CTNNA3: variants seen among roughly 807,000 people sequenced by gnomAD.
The protein encoded by CTNNA3 is catenin alpha-3.
CTNNA3 carries 76 observed loss-of-function variants against 95.7 expected under a neutral mutation model. That is an observed-to-expected ratio of 0.79 (90% CI 0.66 to 0.96). The LOEUF is 0.96. Among genes scored for constraint, CTNNA3 ranks in the 40% least tolerant of loss-of-function variants. The probability of loss-of-function intolerance (pLI) is 0.00; values close to 1 mark genes in which losing one functional copy is unlikely to be tolerated. For synonymous variants in CTNNA3, 431 were observed against 374.4 expected, an observed-to-expected ratio of 1.15 and a Z score of -1.74; for missense variants, 1,191 against 1,089.8, an observed-to-expected ratio of 1.09 and a Z score of -1.31.
At chr10:67,323,043 C>A (rs1226687556) in intron 5 of CTNNA3, among the ~76,000 whole-genome samples, 2 of 152,056 alleles carry the variant, frequency 1.3e-5, no homozygotes, top group African/African-American at 2.4e-5. Flanking sequence ...CTGTTCATGT[C>A]ATTTGCCCAC....
intron 6 of CTNNA3, among the ~76,000 whole-genome samples, chr10:67,211,673 A>G (rs1864145479): frequency 6.6e-6 from 1 of 152,216 alleles, no homozygotes. Flanking sequence ...TAGCAAAGAC[A>G]GATGCATAAA....
chr10:66,639,084 T>C (rs1328372414), intron 9 of CTNNA3, among the ~76,000 whole-genome samples: 2 of 152,180 alleles, frequency 1.3e-5, no homozygotes, highest in Non-Finnish European at 2.9e-5. Context: ...TATCTACGTT[T>C]AGTAAATTGA....
intron 7 of CTNNA3, among the ~76,000 whole-genome samples, chr10:67,022,704 G>A (rs1022462435): frequency 2.0e-5 from 3 of 152,234 alleles, no homozygotes; most frequent in Non-Finnish European, 2.9e-5. Context: ...TTGGGAGGCC[G>A]AGGCGGGCAG....
chr10:67,031,643 C>T (rs1853735687), intron 7 of CTNNA3, among the ~76,000 whole-genome samples: 1 of 152,122 alleles, frequency 6.6e-6, no homozygotes, highest in Non-Finnish European at 1.5e-5. Context: ...TTGAAATACG[C>T]CCATCAACCT....
At chr10:66,209,459 T>G (rs907404719) in intron 13 of CTNNA3, among the ~76,000 whole-genome samples, 2 of 152,034 alleles carry the variant, frequency 1.3e-5, no homozygotes, top group Non-Finnish European at 2.9e-5. Flanking sequence ...GGAAAAGAGT[T>G]GAAGGTGAGA....
intron 5 of CTNNA3, among the ~76,000 whole-genome samples, chr10:67,410,649 C>T (rs61866930): frequency 6.7e-6 from 1 of 150,284 alleles, no homozygotes; most frequent in African/African-American, 2.4e-5. Flanking sequence ...AAAAAAAACC[C>T]ACAGAAATAA....
chr10:67,429,033 T>C (rs1180532284), intron 5 of CTNNA3, among the ~76,000 whole-genome samples: 1 of 151,990 alleles, frequency 6.6e-6, no homozygotes, highest in Non-Finnish European at 1.5e-5. Context: ...CTTTCTTTAC[T>C]CCTGCAAACC....
chr10:66,293,996 A>G (rs1316662819), intron 12 of CTNNA3, among the ~76,000 whole-genome samples: 2 of 151,994 alleles, frequency 1.3e-5, no homozygotes, highest in African/African-American at 4.8e-5. Flanking sequence ...AAAATCAAGC[A>G]CCTTTCTAAT....
intron 13 of CTNNA3, among the ~76,000 whole-genome samples, chr10:66,256,988 C>T (rs1281472888): frequency 1.3e-5 from 2 of 151,822 alleles, no homozygotes; most frequent in East Asian, 3.9e-4. Flanking sequence ...CTCTCTCCCT[C>T]ATGAGGTGGG....
intron 5 of CTNNA3, among the ~76,000 whole-genome samples, chr10:67,488,495 G>A (rs1848530264): frequency 6.6e-6 from 1 of 151,938 alleles, no homozygotes; most frequent in South Asian, 2.1e-4. Context: ...TCAGCCCCCT[G>A]AGTAGCTGGA....
chr10:66,171,955 C>T (rs557530968), intron 13 of CTNNA3, among the ~76,000 whole-genome samples: 11 of 152,214 alleles, frequency 7.2e-5, no homozygotes, highest in African/African-American at 2.4e-4. Context: ...CTATATCATC[C>T]TCTAATATCT....
At chr10:66,772,978 G>C (rs1045249459) in intron 8 of CTNNA3, among the ~76,000 whole-genome samples, 1 of 152,204 alleles carries the variant, frequency 6.6e-6, no homozygotes, top group African/African-American at 2.4e-5. Context: ...TCTTTCCTGT[G>C]AGAAGAACTA....
In CTNNA3 at chr10:65,925,340, C is replaced by T. The variant is rs534636795; in HGVS notation, c.2401-4723G>A. 5.9e-5 allele frequency among the ~76,000 whole-genome samples: 9 copies of T among 152,302 alleles called. No homozygotes were observed. In the South Asian group the frequency reaches 1.9e-3, roughly 32 times the overall value. ...GAAACTGTCCCCAACTTCTATCTTTCATTCTTATCCATTTCTATTAAAATG... is the reference window on the plus strand; with the variant it reads ...GAAACTGTCCCCAACTTCTATCTTTTATTCTTATCCATTTCTATTAAAATG... On this transcript the variant is annotated intron_variant, in intron 17 of 17. Coordinates refer to ENST00000433211, the MANE Select transcript of CTNNA3 (RefSeq NM_013266.4).
At chr10:66,148,674 G>A (rs930057304) in intron 13 of CTNNA3, among the ~76,000 whole-genome samples, 1 of 151,594 alleles carries the variant, frequency 6.6e-6, no homozygotes, top group Non-Finnish European at 1.5e-5. Flanking sequence ...AGAGCTGCTG[G>A]GTCTTTGAAC....
At chr10:67,181,751 G>A (rs1862557019) in intron 6 of CTNNA3, among the ~76,000 whole-genome samples, 1 of 151,944 alleles carries the variant, frequency 6.6e-6, no homozygotes, top group South Asian at 2.1e-4. Flanking sequence ...ATTGAAAGTA[G>A]CCAGGATACA....
At chr10:67,532,066 C>A (rs1840345544) in intron 4 of CTNNA3, among the ~76,000 whole-genome samples, 1 of 152,098 alleles carries the variant, frequency 6.6e-6, no homozygotes, top group Non-Finnish European at 1.5e-5. Flanking sequence ...ACTGTAAGTC[C>A]ATTAAACCTC....
At chr10:66,319,798 T>A (rs2092156565) in intron 12 of CTNNA3, among the ~76,000 whole-genome samples, 1 of 152,090 alleles carries the variant, frequency 6.6e-6, no homozygotes, top group Admixed American at 6.5e-5. Flanking sequence ...CCAAAAAACA[T>A]CTTTCACTTC....
intron 15 of CTNNA3, among the ~76,000 whole-genome samples, chr10:66,016,398 G>C (rs2079097353): frequency 6.6e-6 from 1 of 152,066 alleles, no homozygotes; most frequent in East Asian, 1.9e-4. Flanking sequence ...TTCTTCCCTG[G>C]AACACTTATG....
chr10:67,419,832 C>A (rs1236216128), intron 5 of CTNNA3, among the ~76,000 whole-genome samples: 1 of 151,954 alleles, frequency 6.6e-6, no homozygotes. Flanking sequence ...ATATCTGATG[C>A]ACTAGTGTTC....
Sources: gnomAD v4.1 joint callset for allele counts (sites outside exome capture counted in the v4.1 genomes callset) on GRCh38, gnomAD v4.1.1 for gene constraint, MANE v1.5 for transcripts, NCBI Gene and HGNC (gene_info 2026-07-23, HGNC 2026-07-21) for gene names.